GRIP1: variants seen among roughly 807,000 people sequenced by gnomAD.
GRIP1 encodes the protein glutamate receptor-interacting protein 1.
A neutral mutation model predicts 129.9 loss-of-function variants in GRIP1; 45 were observed. That is an observed-to-expected ratio of 0.35 (90% CI 0.27 to 0.44). The LOEUF (loss-of-function observed/expected upper bound fraction) is 0.44. Among genes scored for constraint, GRIP1 ranks in the 20% least tolerant of loss-of-function variants. The pLI is 1.00. For missense variants in GRIP1, 1,196 were observed against 1,396.8 expected, an observed-to-expected ratio of 0.86 and a Z score of 2.29; for synonymous variants, 530 against 520.8, an observed-to-expected ratio of 1.02 and a Z score of -0.24.
At chr12:66,522,930 T>C (rs1012810943) in intron 5 of GRIP1, among the ~76,000 whole-genome samples, 2 of 151,802 alleles carry the variant, frequency 1.3e-5, no homozygotes, top group African/African-American at 2.4e-5. Flanking sequence ...AGAGTATCAG[T>C]GATGGAAGAT....
Position 66,517,779 on chromosome 12 carries a change from T to C in GRIP1, c.578+122A>G, listed in dbSNP as rs1023751573. ...TAGTTCAGACTCTCAATTTTCACATTGTAACATGTTTGCTTAATAGCTACA... is the reference window on the plus strand; with the variant it reads ...TAGTTCAGACTCTCAATTTTCACATCGTAACATGTTTGCTTAATAGCTACA... On this transcript the variant is annotated intron_variant, in intron 6 of 24. Transcript: ENST00000359742. The C allele has an allele frequency of 3.0e-5, 21 of 705,512 alleles. No homozygotes were observed. In the Admixed American group the frequency reaches 4.2e-4, roughly 14 times the overall value. 43.7% of individuals were successfully genotyped at this position (705,512 alleles called of 1,614,324 possible).
At chr12:66,828,996 A>T (rs565855280) in intron 1 of GRIP1, among the ~76,000 whole-genome samples, 31 of 152,304 alleles carry the variant, frequency 2.0e-4, no homozygotes, top group Admixed American at 1.8e-3. Context: ...TATACCCTAG[A>T]GGCAGACTGA....
chr12:66,856,617 A>G lies in GRIP1; in HGVS notation c.58+212433T>C, dbSNP rs370969502. Among the ~76,000 whole-genome samples the G allele has an allele frequency of 5.9e-4, 89 of 151,996 alleles. No homozygotes were observed. The East Asian group carries it at 0.01, about 17-fold the overall frequency. ...CATTTATGCAGCCAACAGACCCATG[A>G]AAAAATGCTCATCATCACTGGCCAT... On this transcript the variant is annotated intron_variant, in intron 1 of 1. Coordinates refer to the GRIP1 transcript ENST00000643019.
intron 2 of GRIP1, among the ~76,000 whole-genome samples, chr12:66,562,598 G>A (rs1400602701): frequency 6.6e-6 from 1 of 152,126 alleles, no homozygotes; most frequent in Non-Finnish European, 1.5e-5. Flanking sequence ...TTAAGACACT[G>A]TGCTGATTTC....
chr12:66,486,896 T>C (rs901010919), intron 7 of GRIP1, among the ~76,000 whole-genome samples: 2 of 152,064 alleles, frequency 1.3e-5, no homozygotes, highest in Admixed American at 6.5e-5. Flanking sequence ...GCTCAAGTGA[T>C]CTTCCCACCT....
At chr12:67,012,358 T>A (rs1417587340) in intron 1 of GRIP1, among the ~76,000 whole-genome samples, 1 of 152,142 alleles carries the variant, frequency 6.6e-6, no homozygotes, top group African/African-American at 2.4e-5. Context: ...CAGACTGCCT[T>A]CTGAGACAGT....
chr12:66,500,841 G>C (rs2060373221), intron 7 of GRIP1, among the ~76,000 whole-genome samples: 1 of 152,146 alleles, frequency 6.6e-6, no homozygotes, highest in Non-Finnish European at 1.5e-5. Flanking sequence ...TAAGAACTAG[G>C]TGTTACAGAA....
chr12:66,897,898 A>G (rs2040778050), intron 1 of GRIP1, among the ~76,000 whole-genome samples: 1 of 152,206 alleles, frequency 6.6e-6, no homozygotes, highest in African/African-American at 2.4e-5. Context: ...ACAAATTGCT[A>G]GGATCCATTT....
At chr12:66,626,646 G>T (rs2030089941) in intron 1 of GRIP1, 1 of 152,472 alleles carries the variant, frequency 6.6e-6, no homozygotes, top group Non-Finnish European at 1.5e-5. Context: ...TTCTGCTGGT[G>T]TCTTATGTTC....
intron 1 of GRIP1, among the ~76,000 whole-genome samples, chr12:66,952,711 C>T (rs188626645): frequency 6.6e-6 from 1 of 152,266 alleles, no homozygotes; most frequent in East Asian, 1.9e-4. Flanking sequence ...ATTTCTATGA[C>T]TCAATATATT....
At chr12:66,999,876 C>T (rs1469098582) in intron 1 of GRIP1, among the ~76,000 whole-genome samples, 2 of 152,122 alleles carry the variant, frequency 1.3e-5, no homozygotes, top group Non-Finnish European at 2.9e-5. Flanking sequence ...AACACTCATT[C>T]CCCTGTTCAT....
chr12:66,699,787 C>CA (rs1227620580), intron 1 of GRIP1, among the ~76,000 whole-genome samples: 1 of 152,188 alleles, frequency 6.6e-6, no homozygotes, highest in Non-Finnish European at 1.5e-5. Flanking sequence ...CTGAATGGCA[C>CA]ATCCTTACTC....
intron 2 of GRIP1, chr12:66,568,906 G>A: frequency 1.9e-6 from 1 of 521,184 alleles, no homozygotes; most frequent in South Asian, 1.4e-5. Flanking sequence ...TCCAGAGGGA[G>A]GTGAGACAGT....
At chr12:66,616,463 G>A (rs757545482) in intron 1 of GRIP1, among the ~76,000 whole-genome samples, 18 of 152,110 alleles carry the variant, frequency 1.2e-4, no homozygotes, top group Non-Finnish European at 2.4e-4. Flanking sequence ...ATACTTCTGT[G>A]AGTCTCTGTG....
rs11609232 is a variant in GRIP1 at position 66,377,438 on chromosome 12, C to G, written c.2622-153G>C. Among the ~76,000 whole-genome samples the G allele has an allele frequency of 9.4e-3, 1,422 of 151,948 alleles. 14 individuals are homozygous for G. The highest frequency in any genetic ancestry group is 0.016 in the Non-Finnish European group (1,103 of 67,942). On this transcript the variant is annotated intron_variant, in intron 20 of 24. Coordinates refer to ENST00000359742, the MANE Select transcript of GRIP1 (RefSeq NM_001366722.1). Reference sequence around the variant, plus strand: ...CGCCTCCCGGGTTCACACCATTCTCCTGCCTCAGCCTCCCGAGTAGCTGGG... The same window carrying G: ...CGCCTCCCGGGTTCACACCATTCTCGTGCCTCAGCCTCCCGAGTAGCTGGG...
At chr12:66,541,482 G>A (rs1048439789) in intron 3 of GRIP1, among the ~76,000 whole-genome samples, 1 of 152,210 alleles carries the variant, frequency 6.6e-6, no homozygotes, top group Non-Finnish European at 1.5e-5. Context: ...TGATTGGAGT[G>A]TCTCCTTCCC....
In GRIP1 at chr12:66,920,291, G is replaced by A. The variant is rs145422751; in HGVS notation, c.58+148759C>T. On this transcript the variant is annotated intron_variant, in intron 1 of 1. Coordinates refer to the GRIP1 transcript ENST00000643019. ...CCAGTGGCTTTCTCTGTACTTCCTC[G>A]TGCTTTTACTCTCCCGCCTACCCAG... Among the ~76,000 whole-genome samples, 14 of 152,050 alleles carry A rather than the reference G, an allele frequency of 9.2e-5. No homozygotes were observed. The East Asian group carries it at 1.4e-3, about 15-fold the overall frequency.
intron 1 of GRIP1, among the ~76,000 whole-genome samples, chr12:66,691,419 A>C (rs143565854): frequency 6.6e-6 from 1 of 152,236 alleles, no homozygotes; most frequent in Non-Finnish European, 1.5e-5. Context: ...ATTTCATTAA[A>C]AATACAACAG....
At position 66,452,719 on chromosome 12, in the gene GRIP1, A is replaced by C. The variant is rs149271826; in HGVS notation, c.1354+2690T>G. Among the ~76,000 whole-genome samples the C allele has an allele frequency of 1.9e-3, 293 of 152,360 alleles. 1 individual carries two copies. Among genetic ancestry groups the C allele is most frequent in the Non-Finnish European group, 3.2e-3 (218 of 68,038 alleles). ...AAATGGTGGCACAGGATAAAGACAT[A>C]AATAAAGCAGTGGAAATAAACCATG... On this transcript the variant is annotated intron_variant, in intron 11 of 24. Coordinates refer to ENST00000359742, the MANE Select transcript of GRIP1 (RefSeq NM_001366722.1).
Sources: allele counts gnomAD v4.1 joint callset (sites outside exome capture counted in the v4.1 genomes callset), GRCh38; gene constraint gnomAD v4.1.1; transcripts MANE v1.5; gene names NCBI Gene and HGNC (gene_info 2026-07-23, HGNC 2026-07-21).